The following FAM151B variants were observed in gnomAD, a reference collection of about 807,000 sequenced individuals.
The protein encoded by FAM151B is family with sequence similarity 151 member B.
Under a neutral mutation model 31.2 loss-of-function variants are expected in FAM151B, and 24 were observed. The ratio of observed to expected loss-of-function variants is 0.77; its 90% CI spans 0.56 to 1.08. The LOEUF (loss-of-function observed/expected upper bound fraction) is 1.08. Among genes scored for constraint, FAM151B ranks in the 50% least tolerant of loss-of-function variants. The pLI is 0.00. For missense variants in FAM151B, 293 were observed against 328.6 expected (o/e 0.89, Z 0.84); for synonymous variants, 105 against 111.4 (o/e 0.94, Z 0.36).
intron 3 of FAM151B, among the ~76,000 whole-genome samples, chr5:80,514,894 G>A (rs1412624279): frequency 1.3e-5 from 2 of 152,126 alleles, no homozygotes; most frequent in Non-Finnish European, 2.9e-5. Flanking sequence ...TTGATATACA[G>A]GAGTTTGGAT....
Position 80,497,445 on chromosome 5 carries a change from A to G in FAM151B, c.26-4347A>G, listed in dbSNP as rs182012549. Among the ~76,000 whole-genome samples the G allele has an allele frequency of 5.5e-3, 842 of 151,834 alleles. 4 individuals carry two copies. Among genetic ancestry groups the G allele is most frequent in the Middle Eastern group, 0.02 (6 of 294 alleles). On this transcript the variant is annotated intron_variant, in intron 1 of 5. Transcript: ENST00000282226. ...AAAAAAAAAACAAAAACAATAAAAA[A>G]ACTACTCAAAAACTCAATCTTAAAA...
chr5:80,494,231 A>T (rs775463590), intron 1 of FAM151B, among the ~76,000 whole-genome samples: 1 of 152,218 alleles, frequency 6.6e-6, no homozygotes, highest in Non-Finnish European at 1.5e-5. Flanking sequence ...GACTGTGAGA[A>T]GTGCAGAAGC....
chr5:80,513,667 C>G lies in FAM151B; in HGVS notation c.215C>G (p.Pro72Arg). 1 of 1,614,060 alleles carries G rather than the reference C, an allele frequency of 6.2e-7. No homozygotes were observed. The highest frequency in any genetic ancestry group is 1.3e-5 in the African/African-American group (1 of 74,996). ...AGTGATGGATCAGAACACAGCCAGC[C>G]AATTATGGCCCATCCCCCTGAAACA... The part of the protein sequence containing the change: ...LPSDGSEHSQ[P>R]IMAHPPETNS... The change falls in exon 3 of 6, where the codon CCA becomes CGA. Residue 72 changes from proline to arginine, a missense_variant. By Grantham distance (103) the Pro-to-Arg change is moderately radical. Transcript: ENST00000282226.
chr5:80,526,689 T>A (rs1744989773), intron 5 of FAM151B, among the ~76,000 whole-genome samples: 1 of 152,188 alleles, frequency 6.6e-6, no homozygotes, highest in Non-Finnish European at 1.5e-5. Context: ...CTTCAAATAA[T>A]GTTAATTTTA....
chr5:80,530,970 T>C (rs1745216574), intron 5 of FAM151B, among the ~76,000 whole-genome samples: 1 of 152,184 alleles, frequency 6.6e-6, no homozygotes, highest in Non-Finnish European at 1.5e-5. Flanking sequence ...GGCATCATGC[T>C]ACCTGACTTC....
intron 5 of FAM151B, among the ~76,000 whole-genome samples, chr5:80,531,525 C>T (rs1264330654): frequency 2.6e-5 from 4 of 152,150 alleles, no homozygotes; most frequent in African/African-American, 9.6e-5. Flanking sequence ...ACAAAGAACT[C>T]AAACAAATTT....
At chr5:80,500,233 C>A in intron 1 of FAM151B, 4 of 546,672 alleles carry the variant, frequency 7.3e-6, no homozygotes, top group South Asian at 2.3e-5. Context: ...AAAACAATGG[C>A]TATGGGGAGG....
At chr5:80,505,779 CAG>C (rs1383867825) in intron 2 of FAM151B, among the ~76,000 whole-genome samples, 3 of 93,736 alleles carry the variant, frequency 3.2e-5, no homozygotes, top group East Asian at 6.9e-4. Flanking sequence ...TTTTTTGAGA[CAG>C]AGTCTCGCAC....
Position 80,505,749 on chromosome 5 carries a change from A to ATTTTTTTTTTTTTTTTTTTTTTTTTTTTT in FAM151B, c.151+3857_151+3858insTTTTTTTTTTTTTTTTTTTTTTTTTTTTT, listed in dbSNP as rs386404255. 5.1e-5 allele frequency among the ~76,000 whole-genome samples: 4 copies of ATTTTTTTTTTTTTTTTTTTTTTTTTTTTT among 77,882 alleles called. 1 individual carries two copies. The highest frequency in any genetic ancestry group is 6.6e-5 in the Non-Finnish European group (3 of 45,140). 51.1% of individuals were successfully genotyped at this position (77,882 alleles called of 152,430 possible). A position where few individuals can be genotyped will look rare whatever the true frequency, so the allele number is the denominator to read the frequency against. On this transcript the variant is annotated intron_variant, in intron 2 of 5. Transcript: ENST00000282226. ...TCCCCTTTTCTTTCTTCCTATAAGA[A>ATTTTTTTTTTTTTTTTTTTTTTTTTTTTT]TTTTTTTTTTTTTTTTTTTTTTTTT...
chr5:80,536,218 T>G (rs1449810289), intron 5 of FAM151B, among the ~76,000 whole-genome samples: 1 of 152,192 alleles, frequency 6.6e-6, no homozygotes, highest in African/African-American at 2.4e-5. Flanking sequence ...TTGCCCAGGC[T>G]GGAGTGCAAT....
At chr5:80,531,625 A>G (rs1238075811) in intron 5 of FAM151B, among the ~76,000 whole-genome samples, 1 of 152,220 alleles carries the variant, frequency 6.6e-6, no homozygotes, top group East Asian at 1.9e-4. Flanking sequence ...CAGCCAACAG[A>G]CACATGAAAA....
At position 80,533,609 on chromosome 5, in the gene FAM151B, G is replaced by A. The variant is rs113692633; in HGVS notation, c.672-8064G>A. ...TACTAAAAATACAACAATTAACCAG[G>A]TGTGGTGGCACGCACCTGTAATCCC... On this transcript the variant is annotated intron_variant, in intron 5 of 5. Coordinates refer to ENST00000282226, the MANE Select transcript of FAM151B (RefSeq NM_205548.3). Among the ~76,000 whole-genome samples the A allele has an allele frequency of 7.4e-3, 1,121 of 151,300 alleles. 16 individuals carry two copies. The highest frequency in any genetic ancestry group is 0.026 in the African/African-American group (1,066 of 41,250).
chr5:80,507,093 T>C (rs1055283927), intron 2 of FAM151B, among the ~76,000 whole-genome samples: 1 of 134,596 alleles, frequency 7.4e-6, no homozygotes, highest in African/African-American at 2.8e-5. Flanking sequence ...CACTCCAGCC[T>C]GGGTAACAGG....
At chr5:80,521,305 T>C (rs1011953367) in intron 4 of FAM151B, among the ~76,000 whole-genome samples, 3 of 150,582 alleles carry the variant, frequency 2.0e-5, no homozygotes, top group East Asian at 2.0e-4. Flanking sequence ...TTAAATTTTT[T>C]TGTAGAAGTG....
intron 2 of FAM151B, among the ~76,000 whole-genome samples, chr5:80,507,830 C>G (rs577634742): frequency 6.6e-6 from 1 of 152,288 alleles, no homozygotes; most frequent in African/African-American, 2.4e-5. Context: ...CTAGAAATTC[C>G]CACACTGGCC....
At chr5:80,519,142 G>A (rs1037843943) in intron 3 of FAM151B, among the ~76,000 whole-genome samples, 9 of 152,112 alleles carry the variant, frequency 5.9e-5, no homozygotes, top group African/African-American at 2.2e-4. Flanking sequence ...GAAACTTGAA[G>A]GAAATACTAT....
At chr5:80,488,278 G>A (rs1281117105) in intron 1 of FAM151B, 130 bp downstream of exon 1, 38 of 1,208,514 alleles carry the variant, frequency 3.1e-5, no homozygotes, top group Non-Finnish European at 4.1e-5. Context: ...CGCAGAACCG[G>A]GCGGCTGGGC....
At chr5:80,533,198 A>G (rs1745327470) in intron 5 of FAM151B, among the ~76,000 whole-genome samples, 1 of 151,902 alleles carries the variant, frequency 6.6e-6, no homozygotes, top group South Asian at 2.1e-4. Flanking sequence ...TAACATAGTG[A>G]AACCCCGTCT....
chr5:80,501,678 A>G (rs1580416844), intron 1 of FAM151B, 114 bp from the exon 2 acceptor site: 2 of 665,310 alleles, frequency 3.0e-6, no homozygotes, highest in South Asian at 2.2e-5. Flanking sequence ...CTATCTATAT[A>G]TATATATCAC....
Sources: allele counts gnomAD v4.1 joint callset (sites outside exome capture counted in the v4.1 genomes callset), GRCh38; gene constraint gnomAD v4.1.1; transcripts MANE v1.5; gene names NCBI Gene and HGNC (gene_info 2026-07-23, HGNC 2026-07-21).